SGCZ: variants seen among roughly 807,000 people sequenced by gnomAD.
SGCZ encodes zeta-sarcoglycan.
SGCZ carries 40 observed loss-of-function variants against 41.3 expected under a neutral mutation model. The observed-to-expected ratio is 0.97, with a 90% confidence interval of 0.75 to 1.26. The LOEUF is 1.26. Ranked by LOEUF, SGCZ falls within the 50% of genes most tolerant of loss-of-function variation. The pLI is 0.00. For missense variants in SGCZ, 552 were observed against 369.8 expected (o/e 1.49, Z -4.04); for synonymous variants, 206 against 137.5 (o/e 1.50, Z -3.49).
chr8:14,628,819 T>C lies in SGCZ; in HGVS notation c.40-73893A>G, dbSNP rs538226933. 8.5e-5 allele frequency among the ~76,000 whole-genome samples: 13 copies of C among 152,242 alleles called. No homozygotes were observed. In the East Asian group the frequency reaches 2.3e-3, roughly 27 times the overall value. ...AAACTTCTGACTTAAAATAAGAAAG[T>C]ATATTTAAATCTTTCCTTGGCTACA... On this transcript the variant is annotated intron_variant, in intron 1 of 7. Transcript: ENST00000382080.
At chr8:14,874,376 T>C (rs73666909) in intron 1 of SGCZ, among the ~76,000 whole-genome samples, 3,651 of 152,204 alleles carry the variant, frequency 0.024, 147 homozygotes, top group African/African-American at 0.084. Context: ...TTTTCCCTGG[T>C]GTTTTCTACA....
At chr8:14,908,587 T>G (rs1409531011) in intron 1 of SGCZ, among the ~76,000 whole-genome samples, 1 of 151,772 alleles carries the variant, frequency 6.6e-6, no homozygotes, top group Non-Finnish European at 1.5e-5. Flanking sequence ...CCATTTCTAC[T>G]AAATACACAA....
chr8:14,752,189 C>G (rs1799523030), intron 1 of SGCZ, among the ~76,000 whole-genome samples: 1 of 147,902 alleles, frequency 6.8e-6, no homozygotes, highest in Non-Finnish European at 1.5e-5. Context: ...TTCCTTGCAT[C>G]ATTAAATCTC....
intron 1 of SGCZ, among the ~76,000 whole-genome samples, chr8:15,173,384 A>C (rs1799905960): frequency 6.6e-6 from 1 of 152,172 alleles, no homozygotes; most frequent in Non-Finnish European, 1.5e-5. Flanking sequence ...ATCTATAAAA[A>C]TGGATGATGA....
chr8:15,091,155 A>G (rs1001981630), intron 1 of SGCZ, among the ~76,000 whole-genome samples: 1 of 152,172 alleles, frequency 6.6e-6, no homozygotes, highest in Non-Finnish European at 1.5e-5. Flanking sequence ...GCCAGGATAG[A>G]TGGTAGATGG....
intron 2 of SGCZ, among the ~76,000 whole-genome samples, chr8:14,427,303 G>A (rs1268720312): frequency 2.6e-5 from 4 of 151,824 alleles, no homozygotes; most frequent in Non-Finnish European, 5.9e-5. Flanking sequence ...TACCTGTGTG[G>A]CAAACCTACA....
At chr8:14,285,018 C>G (rs965975723) in intron 3 of SGCZ, among the ~76,000 whole-genome samples, 4 of 152,074 alleles carry the variant, frequency 2.6e-5, no homozygotes, top group Non-Finnish European at 5.9e-5. Flanking sequence ...AATTTTCCCT[C>G]TTTTATATTG....
chr8:14,295,066 T>C (rs1028261436), intron 3 of SGCZ, among the ~76,000 whole-genome samples: 3 of 152,188 alleles, frequency 2.0e-5, no homozygotes, highest in African/African-American at 4.8e-5. Context: ...CAGCATTCTG[T>C]AGAATAAATA....
intron 1 of SGCZ, among the ~76,000 whole-genome samples, chr8:14,827,475 G>A (rs969095628): frequency 1.3e-5 from 2 of 152,046 alleles, no homozygotes; most frequent in African/African-American, 4.8e-5. Flanking sequence ...GACTTCATAT[G>A]ATGCACCCGC....
At chr8:14,883,534 G>A (rs73517319) in intron 1 of SGCZ, among the ~76,000 whole-genome samples, 2,098 of 151,968 alleles carry the variant, frequency 0.014, 53 homozygotes, top group African/African-American at 0.047. Context: ...AATGACAAAG[G>A]GCCAGAACAG....
chr8:14,554,058 A>G (rs564051230), intron 2 of SGCZ, among the ~76,000 whole-genome samples: 94 of 152,206 alleles, frequency 6.2e-4, no homozygotes, highest in Non-Finnish European at 1.0e-3. Flanking sequence ...TCATGCTCAT[A>G]GATTTATTAT....
intron 1 of SGCZ, among the ~76,000 whole-genome samples, chr8:14,958,659 T>C (rs780705083): frequency 1.3e-5 from 2 of 152,092 alleles, no homozygotes; most frequent in Admixed American, 6.5e-5. Flanking sequence ...TGTGTGCATT[T>C]GCACAAACTC....
intron 1 of SGCZ, among the ~76,000 whole-genome samples, chr8:14,587,893 C>A (rs540248673): frequency 6.6e-6 from 1 of 152,020 alleles, no homozygotes; most frequent in African/African-American, 2.4e-5. Context: ...AGTTTTTGGG[C>A]AAGCTTGTAA....
intron 4 of SGCZ, among the ~76,000 whole-genome samples, chr8:14,205,087 C>T (rs1805575727): frequency 6.6e-6 from 1 of 152,126 alleles, no homozygotes; most frequent in South Asian, 2.1e-4. Context: ...CTCTGGAGAA[C>T]CCTTTAATTA....
intron 1 of SGCZ, among the ~76,000 whole-genome samples, chr8:15,015,184 A>T (rs143729690): frequency 0.02 from 3,014 of 152,162 alleles, 95 homozygotes; most frequent in African/African-American, 0.068. Context: ...CAGAGGCTGC[A>T]GTGAGCCAAG....
chr8:14,921,633 G>A (rs1443829623), intron 1 of SGCZ, among the ~76,000 whole-genome samples: 1 of 151,954 alleles, frequency 6.6e-6, no homozygotes, highest in Non-Finnish European at 1.5e-5. Flanking sequence ...AGTATAAATA[G>A]TAGTAGCCAG....
At chr8:15,178,929 T>C (rs1163897456) in intron 1 of SGCZ, among the ~76,000 whole-genome samples, 1 of 152,218 alleles carries the variant, frequency 6.6e-6, no homozygotes, top group Non-Finnish European at 1.5e-5. Context: ...GTTCTAAACA[T>C]AGTGAAGTCA....
intron 1 of SGCZ, among the ~76,000 whole-genome samples, chr8:14,689,142 T>A (rs193224286): frequency 6.6e-6 from 1 of 152,244 alleles, no homozygotes; most frequent in African/African-American, 2.4e-5. Context: ...TAATACAAAT[T>A]TTCTGAAGAG....
intron 4 of SGCZ, among the ~76,000 whole-genome samples, chr8:14,216,925 T>C (rs1806013151): frequency 6.6e-6 from 1 of 152,128 alleles, no homozygotes; most frequent in Non-Finnish European, 1.5e-5. Flanking sequence ...AGAGAAACTG[T>C]AGCAGAACAG....
Sources: gnomAD v4.1 joint callset for allele counts (sites outside exome capture counted in the v4.1 genomes callset) on GRCh38, gnomAD v4.1.1 for gene constraint, MANE v1.5 for transcripts, NCBI Gene and HGNC (gene_info 2026-07-23, HGNC 2026-07-21) for gene names.